The following ABCB7 variants were observed in gnomAD, a reference collection of about 807,000 sequenced individuals.
The protein encoded by ABCB7 is ATP binding cassette subfamily B member 7, also known as iron-sulfur clusters transporter ABCB7, mitochondrial.
Under a neutral mutation model 54.4 loss-of-function variants are expected in ABCB7, and 7 were observed. The ratio of observed to expected loss-of-function variants is 0.13; its 90% CI spans 0.07 to 0.24. ABCB7 has a LOEUF of 0.24. Ranked by LOEUF, ABCB7 falls within the 10% of genes least tolerant of loss-of-function variation. The pLI, the probability that ABCB7 is intolerant of heterozygous loss-of-function variation, is 1.00. For missense variants in ABCB7, 356 were observed against 570.4 expected (o/e 0.62, Z 3.83); for synonymous variants, 218 against 207.1 (o/e 1.05, Z -0.45).
chrX:75,122,326 C>T (rs1220433213), intron 1 of ABCB7, among the ~76,000 whole-genome samples: 2 of 110,113 alleles, frequency 1.8e-5, no homozygotes, highest in Admixed American at 2.0e-4. Flanking sequence ...ATGGCAACAT[C>T]GGGAAGTTAC....
chrX:75,094,316 C>T (rs1347248039), intron 4 of ABCB7, among the ~76,000 whole-genome samples: 3 of 110,366 alleles, frequency 2.7e-5, no homozygotes, highest in Non-Finnish European at 5.7e-5. Context: ...TTTGGTAATA[C>T]TAAAGGTAAC....
chrX:75,109,913 C>T (rs1048765759), intron 3 of ABCB7, among the ~76,000 whole-genome samples: 6 of 111,654 alleles, frequency 5.4e-5, no homozygotes, highest in African/African-American at 1.6e-4. Flanking sequence ...CAAAAACTAG[C>T]GAGTTCAGTC....
intron 3 of ABCB7, among the ~76,000 whole-genome samples, chrX:75,106,540 T>C (rs1380813675): frequency 8.9e-6 from 1 of 112,023 alleles, no homozygotes; most frequent in Admixed American, 9.4e-5. Context: ...TTATACACTG[T>C]TGGTGGTAAT....
intron 3 of ABCB7, among the ~76,000 whole-genome samples, chrX:75,110,012 A>G (rs181473209): frequency 8.9e-6 from 1 of 112,027 alleles, no homozygotes; most frequent in Admixed American, 9.4e-5. Flanking sequence ...AGAGAAGAAA[A>G]TATGTATGAG....
intron 1 of ABCB7, among the ~76,000 whole-genome samples, chrX:75,127,343 C>T (rs927474966): frequency 3.6e-5 from 4 of 111,402 alleles, no homozygotes; most frequent in African/African-American, 9.8e-5. Context: ...AAAACACCTT[C>T]GATAAAATTC....
intron 1 of ABCB7, among the ~76,000 whole-genome samples, chrX:75,129,556 T>C (rs890123504): frequency 1.1e-4 from 12 of 107,997 alleles, no homozygotes; most frequent in African/African-American, 4.1e-4. Flanking sequence ...GTAACAAACC[T>C]GCACGTTCTG....
rs1221950607 is a variant in ABCB7 at position 75,071,622 on chromosome X, G to A, written c.1094C>T (p.Thr365Ile). 2.5e-6 allele frequency: 3 copies of A among 1,205,280 alleles called. No homozygotes were observed. The highest frequency in any genetic ancestry group is 3.4e-6 in the Non-Finnish European group (3 of 890,153). Residue 365 changes from threonine to isoleucine, a missense_variant, in exon 9 of 16, where the codon ACT becomes ATT. Transcript: ENST00000373394. ...AGTAGAGGTACTTTTCAATGAAGCAGTCTCATACGTCTTCAAAAATCCATC... is the reference window on the plus strand; with the variant it reads ...AGTAGAGGTACTTTTCAATGAAGCAATCTCATACGTCTTCAAAAATCCATC... ...RYDGFLKTYETASLKSTSTLA... is the reference protein window; with the variant it reads ...RYDGFLKTYEIASLKSTSTLA...
intron 3 of ABCB7, among the ~76,000 whole-genome samples, chrX:75,102,616 CA>C (rs1242312099): frequency 9.0e-6 from 1 of 111,711 alleles, no homozygotes; most frequent in Non-Finnish European, 1.9e-5. Flanking sequence ...AATCAACATA[CA>C]ACATGCAGGT....
intron 1 of ABCB7, among the ~76,000 whole-genome samples, chrX:75,139,062 A>T (rs1274965668): frequency 9.2e-6 from 1 of 108,734 alleles, no homozygotes. Context: ...ATCTGAAACT[A>T]TTTTTAAGAC....
chrX:75,132,893 CACA>C (rs891593571), intron 1 of ABCB7, among the ~76,000 whole-genome samples: 4 of 111,693 alleles, frequency 3.6e-5, no homozygotes, highest in African/African-American at 1.3e-4. Context: ...AAAGAACCAG[CACA>C]ACAACTCTGG....
At chrX:75,094,114 T>TACTTTA (rs1420504933) in intron 4 of ABCB7, among the ~76,000 whole-genome samples, 2 of 103,059 alleles carry the variant, frequency 1.9e-5, no homozygotes, top group Non-Finnish European at 3.8e-5. Context: ...TCACCTGTTA[T>TACTTTA]ACTTTATATA....
At position 75,152,163 on chromosome X, in the gene ABCB7, A is replaced by T. The variant is rs191258001; in HGVS notation, c.168+3942T>A. On this transcript the variant is annotated intron_variant, in intron 1 of 15. Coordinates refer to ENST00000373394, the MANE Select transcript of ABCB7 (RefSeq NM_001271696.3). ...TTGTTTAATAATTTTAAAAGTCTTT[A>T]TTGGTCTCCTAATAAAAGGACTATG... Among the ~76,000 whole-genome samples, 919 of 112,474 alleles carry T rather than the reference A, an allele frequency of 8.2e-3. 12 individuals carry two copies. Among genetic ancestry groups the T allele is most frequent in the African/African-American group, 0.027 (843 of 30,970 alleles).
At chrX:75,134,621 C>A (rs2081996869) in intron 1 of ABCB7, among the ~76,000 whole-genome samples, 1 of 111,852 alleles carries the variant, frequency 8.9e-6, no homozygotes, top group Non-Finnish European at 1.9e-5. Flanking sequence ...ATTGTACCAA[C>A]CACACTCTCA....
intron 12 of ABCB7, among the ~76,000 whole-genome samples, chrX:75,067,490 CT>C (rs1423681038): frequency 2.8e-5 from 3 of 108,654 alleles, no homozygotes; most frequent in Non-Finnish European, 5.8e-5. Flanking sequence ...CTTTTTTTTT[CT>C]TTTTTATTTT....
At position 75,053,376 on chromosome X, in the gene ABCB7, C is replaced by T. The variant is rs771854345; in HGVS notation, c.2253G>A (p.Ser751=). ...AGAAAATGTCTTATGTGACTTAGCA[C>T]GAACAGTTTCCACAGCCTTTCACAC... The part of the protein sequence containing the change: ...VNSVKGCGNC[S]C The change falls in exon 16 of 16, where the codon TCG becomes TCA. Residue 751 remains serine (S), a synonymous_variant. Transcript: ENST00000373394. The T allele has an allele frequency of 4.2e-5, 51 of 1,211,390 alleles. No homozygotes were observed. Among genetic ancestry groups the T allele is most frequent in the East Asian group, 1.8e-4 (6 of 33,861 alleles).
At chrX:75,145,614 G>A (rs913289077) in intron 1 of ABCB7, among the ~76,000 whole-genome samples, 2 of 111,935 alleles carry the variant, frequency 1.8e-5, no homozygotes, top group Non-Finnish European at 3.8e-5. Context: ...CAAACCCACA[G>A]CCAACATCAC....
At chrX:75,148,528 A>G (rs2082109230) in intron 1 of ABCB7, among the ~76,000 whole-genome samples, 1 of 110,876 alleles carries the variant, frequency 9.0e-6, no homozygotes, top group African/African-American at 3.3e-5. Context: ...ACAAATTTAT[A>G]TGTTGAAGTC....
chrX:75,106,085 A>G (rs1252759662), intron 3 of ABCB7, among the ~76,000 whole-genome samples: 1 of 112,077 alleles, frequency 8.9e-6, no homozygotes, highest in Non-Finnish European at 1.9e-5. Context: ...GCAAAAGCAC[A>G]GATAACAAAA....
chrX:75,148,734 T>C (rs1457357796), intron 1 of ABCB7, among the ~76,000 whole-genome samples: 1 of 111,537 alleles, frequency 9.0e-6, no homozygotes, highest in Non-Finnish European at 1.9e-5. Context: ...GCCATCTACA[T>C]GCCAAGGAGA....
Sources: allele counts gnomAD v4.1 joint callset (sites outside exome capture counted in the v4.1 genomes callset), GRCh38; gene constraint gnomAD v4.1.1; transcripts MANE v1.5; gene names NCBI Gene and HGNC (gene_info 2026-07-23, HGNC 2026-07-21).